Variants in DOCK7 observed in about 807,000 individuals in gnomAD.
DOCK7 encodes dedicator of cytokinesis protein 7.
Under a neutral mutation model 271.0 loss-of-function variants are expected in DOCK7, and 138 were observed. The ratio of observed to expected loss-of-function variants is 0.51; its 90% CI spans 0.44 to 0.59. The LOEUF is 0.59. Ranked by LOEUF, DOCK7 falls within the 20% of genes least tolerant of loss-of-function variation. DOCK7 has a pLI of 0.00. For synonymous variants in DOCK7, 823 were observed against 876.1 expected, an observed-to-expected ratio of 0.94 and a Z score of 1.07; for missense variants, 2,066 against 2,592.4, an observed-to-expected ratio of 0.80 and a Z score of 4.41.
chr1:62,494,581 C>T, intron 39 of DOCK7, 114 bp from the exon 40 acceptor site: 1 of 758,646 alleles, frequency 1.3e-6, no homozygotes, highest in Non-Finnish European at 2.0e-6. Context: ...GCACAACCTA[C>T]TTAGTTTTAA....
At chr1:62,598,046 A>G in intron 14 of DOCK7, 1 of 1,586,056 alleles carries the variant, frequency 6.3e-7, no homozygotes, top group Non-Finnish European at 8.5e-7. Context: ...AACACCCAGA[A>G]GTAACTTCAC....
intron 1 of DOCK7, among the ~76,000 whole-genome samples, chr1:62,683,209 G>C (rs1661363560): frequency 6.6e-6 from 1 of 152,180 alleles, no homozygotes; most frequent in Non-Finnish European, 1.5e-5. Flanking sequence ...GCAAGAAGCA[G>C]GTTAGATATT....
At chr1:62,619,756 T>C in intron 13 of DOCK7, 144 bp downstream of exon 13, 1 of 479,576 alleles carries the variant, frequency 2.1e-6, no homozygotes, top group Non-Finnish European at 3.7e-6. Context: ...TGATAGTTAA[T>C]AAAGTGAAGA....
At chr1:62,531,936 C>T (rs1645187049) in intron 29 of DOCK7, among the ~76,000 whole-genome samples, 2 of 152,224 alleles carry the variant, frequency 1.3e-5, no homozygotes, top group Admixed American at 1.3e-4. Context: ...CTCTCACATG[C>T]TCACATTCTA....
intron 14 of DOCK7, chr1:62,604,932 A>G (rs1258939678): frequency 1.3e-5 from 14 of 1,094,980 alleles, no homozygotes; most frequent in Non-Finnish European, 1.9e-5. Context: ...GATTTTTTTT[A>G]TCTTAAAGTC....
chr1:62,625,360 C>T lies in DOCK7; in HGVS notation c.1324G>A (p.Val442Ile), dbSNP rs1414293283. ...GTCCTTTCAAGTGATCGTCTGCCAA[C>T]AATACTAGAATTCCTCCTCTCTGAC... is the stretch of plus-strand genomic sequence containing the variant. The part of the protein sequence containing the change: ...SWSERRNSSI[V>I]GRRSLERTTS... Residue 442 changes from valine (V) to isoleucine (I), a missense_variant, in exon 12 of 50, where the codon GTT (valine) becomes ATT (isoleucine). By Grantham distance (29) the Val-to-Ile change is conservative (BLOSUM62 3). Transcript: ENST00000635253. 6.2e-7 allele frequency: 1 copy of T among 1,613,298 alleles called. No homozygotes were observed. The highest frequency in any genetic ancestry group is 8.5e-7 in the Non-Finnish European group (1 of 1,179,642).
intron 48 of DOCK7, among the ~76,000 whole-genome samples, chr1:62,462,127 T>A (rs1186019804): frequency 6.6e-6 from 1 of 151,758 alleles, no homozygotes; most frequent in Non-Finnish European, 1.5e-5. Context: ...GAATAAATTT[T>A]AAAATGTACA....
intron 2 of DOCK7, among the ~76,000 whole-genome samples, chr1:62,658,330 T>C (rs1048085918): frequency 1.8e-4 from 27 of 151,826 alleles, no homozygotes; most frequent in African/African-American, 6.3e-4. Context: ...GGCGGGCACC[T>C]ATAATCCCAG....
intron 18 of DOCK7, among the ~76,000 whole-genome samples, chr1:62,574,841 C>T (rs183388663): frequency 3.2e-4 from 49 of 152,152 alleles, no homozygotes; most frequent in African/African-American, 1.1e-3. Context: ...GCGATTCTCA[C>T]GCCTCAGCCT....
At chr1:62,638,668 AATAT>A (rs773894903) in intron 7 of DOCK7, among the ~76,000 whole-genome samples, 1 of 147,886 alleles carries the variant, frequency 6.8e-6, no homozygotes, top group Non-Finnish European at 1.5e-5. Context: ...TATTTTCATG[AATAT>A]ATATATATAG....
At chr1:62,657,303 A>C (rs1658138613) in intron 2 of DOCK7, among the ~76,000 whole-genome samples, 1 of 152,200 alleles carries the variant, frequency 6.6e-6, no homozygotes, top group Non-Finnish European at 1.5e-5. Context: ...CCTGCTCAAC[A>C]GTAAGTAACA....
chr1:62,522,242 T>C (rs935148437), intron 31 of DOCK7, among the ~76,000 whole-genome samples: 10 of 152,006 alleles, frequency 6.6e-5, no homozygotes, highest in Middle Eastern at 3.4e-3. Flanking sequence ...TTCTAAAACC[T>C]GAAAAGAATA....
chr1:62,574,836 T>C (rs550787961), intron 18 of DOCK7, among the ~76,000 whole-genome samples: 1 of 152,210 alleles, frequency 6.6e-6, no homozygotes, highest in East Asian at 1.9e-4. Context: ...TTCAAGCGAT[T>C]CTCACGCCTC....
chr1:62,514,986 C>T (rs997002131), intron 31 of DOCK7, among the ~76,000 whole-genome samples: 1 of 152,100 alleles, frequency 6.6e-6, no homozygotes, highest in Admixed American at 6.5e-5. Context: ...GCTGAACATA[C>T]ACAACTGTTG....
chr1:62,518,519 A>G (rs1334459512), intron 31 of DOCK7, among the ~76,000 whole-genome samples: 1 of 151,396 alleles, frequency 6.6e-6, no homozygotes, highest in Non-Finnish European at 1.5e-5. Context: ...GCTTGCAGTG[A>G]GCCGAGATTG....
rs1250032946 is a variant in DOCK7 at position 62,488,932 on chromosome 1, A to G, written c.5493+2T>C. 2 of 1,613,540 alleles carry G rather than the reference A, an allele frequency of 1.2e-6. No individual in the cohort carries two copies. The highest frequency in any genetic ancestry group is 1.7e-6 in the Non-Finnish European group (2 of 1,179,828). On this transcript the variant is annotated splice_donor_variant, in intron 42 of 49. Coordinates refer to ENST00000635253, the MANE Select transcript of DOCK7 (RefSeq NM_001367561.1). LOFTEE classifies it high-confidence loss of function. Reference sequence around the variant, plus strand: ...AGTGAAGCTAGAAATTGGAATCATTACCTGATGAACAATTTTGCTGAATGC... The same window carrying G: ...AGTGAAGCTAGAAATTGGAATCATTGCCTGATGAACAATTTTGCTGAATGC...
chr1:62,487,653 G>A, intron 42 of DOCK7: 5 of 414,142 alleles, frequency 1.2e-5, no homozygotes. Flanking sequence ...TAGGGAAAGA[G>A]AGCCAGCAGC....
At chr1:62,520,598 A>C (rs1446486998) in intron 31 of DOCK7, among the ~76,000 whole-genome samples, 1 of 152,168 alleles carries the variant, frequency 6.6e-6, no homozygotes, top group African/African-American at 2.4e-5. Flanking sequence ...AAAAGTCAGG[A>C]AACAACAGAT....
chr1:62,616,050 C>T (rs1352004685), intron 14 of DOCK7, among the ~76,000 whole-genome samples: 1 of 151,744 alleles, frequency 6.6e-6, no homozygotes, highest in Non-Finnish European at 1.5e-5. Context: ...AGCACTAATA[C>T]ATGTTTACAT....
Sources: allele counts gnomAD v4.1 joint callset (sites outside exome capture counted in the v4.1 genomes callset), GRCh38; gene constraint gnomAD v4.1.1; transcripts MANE v1.5; gene names NCBI Gene and HGNC (gene_info 2026-07-23, HGNC 2026-07-21).